ZNF248: variants seen among roughly 807,000 people sequenced by gnomAD.
ZNF248 encodes KRAB protein domain.
Under a neutral mutation model 44.3 loss-of-function variants are expected in ZNF248, and 20 were observed. The observed-to-expected ratio is 0.45, with a 90% confidence interval of 0.32 to 0.66. The LOEUF (loss-of-function observed/expected upper bound fraction) is 0.66, where lower values mean the gene tolerates loss of function less well. ZNF248 is among the 30% of genes least tolerant of loss of function. The pLI is 0.04. For synonymous variants in ZNF248, 224 were observed against 229.0 expected (o/e 0.98, Z 0.20); for missense variants, 654 against 677.0 (o/e 0.97, Z 0.38).
chr10:37,815,198 C>G (rs2052241592), intron 6 of ZNF248, among the ~76,000 whole-genome samples: 1 of 152,064 alleles, frequency 6.6e-6, no homozygotes, highest in African/African-American at 2.4e-5. Context: ...TCCCAAATAG[C>G]TGGGATTACA....
At chr10:37,824,673 A>ATTTTTTTTTTTTTTTTTTTTTTTTTT (rs755411927), downstream of ZNF248, among the ~76,000 whole-genome samples, 8 of 79,724 alleles carry the variant, frequency 1.0e-4, no homozygotes, top group Admixed American at 4.4e-4. Context: ...ATTATTTTAA[A>ATTTTTTTTTTTTTTTTTTTTTTTTTT]TTTTTTTTTT....
At chr10:37,768,845 A>C in the ZNF248 span, among the ~76,000 whole-genome samples, 4 of 152,330 alleles carry the variant, frequency 2.6e-5, no homozygotes, top group Non-Finnish European at 5.9e-5. Context: ...TGGTTTTTTG[A>C]AAGGATCAAC....
At chr10:37,763,810 T>C in the ZNF248 span, among the ~76,000 whole-genome samples, 1 of 152,242 alleles carries the variant, frequency 6.6e-6, no homozygotes, top group Non-Finnish European at 1.5e-5. Flanking sequence ...CTGTCTTTAC[T>C]GCAATCTCTG....
chr10:37,815,991 G>GAA (rs71007668), intron 6 of ZNF248, among the ~76,000 whole-genome samples: 5,230 of 130,026 alleles, frequency 0.04, 197 homozygotes, highest in East Asian at 0.13. Flanking sequence ...TCCGATAATG[G>GAA]AAAAAAAAAA....
chr10:37,793,838 TTCACA>T (rs1383230975), intron 6 of ZNF248, among the ~76,000 whole-genome samples: 1 of 152,206 alleles, frequency 6.6e-6, no homozygotes, highest in Non-Finnish European at 1.5e-5. Flanking sequence ...TATAAAATAT[TTCACA>T]TCACATCTGA....
At chr10:37,779,194 A>G (rs1381657865) in intron 6 of ZNF248, among the ~76,000 whole-genome samples, 5 of 152,146 alleles carry the variant, frequency 3.3e-5, no homozygotes, top group Non-Finnish European at 7.4e-5. Flanking sequence ...TACCAAAGCC[A>G]GGCAGAGACA....
intron 3 of ZNF248, among the ~76,000 whole-genome samples, chr10:37,849,562 C>T (rs2059881538): frequency 1.3e-5 from 2 of 151,916 alleles, no homozygotes; most frequent in African/African-American, 4.8e-5. Context: ...TGGAGGGCGC[C>T]TGTAGTCCCA....
Position 37,829,369 on chromosome 10 carries a change from T to C in ZNF248, c.*2246A>G, listed in dbSNP as rs1438401494. ...GTAATCAGTCTGCCATTAAAATATT[T>C]TTAGTTGGAGAATTCTGTTTTCCAC... On this transcript the variant is annotated 3_prime_UTR_variant, in exon 6 of 6. Transcript: ENST00000395867. 3.0e-6 allele frequency: 3 copies of C among 985,450 alleles called. No individual in the cohort carries two copies. In the East Asian group the frequency reaches 3.4e-4, roughly 112 times the overall value. 61.0% of individuals were successfully genotyped at this position (985,450 alleles called of 1,614,324 possible). A position where few individuals can be genotyped will look rare whatever the true frequency, so the allele number is the denominator to read the frequency against.
At chr10:37,854,045 A>T (rs772368830) in intron 3 of ZNF248, among the ~76,000 whole-genome samples, 3 of 152,242 alleles carry the variant, frequency 2.0e-5, no homozygotes, top group Non-Finnish European at 4.4e-5. Context: ...CGGGGGGTGG[A>T]GTAAATGGAA....
At chr10:37,841,270 T>C (rs2058293105) in intron 3 of ZNF248, among the ~76,000 whole-genome samples, 1 of 152,226 alleles carries the variant, frequency 6.6e-6, no homozygotes, top group Non-Finnish European at 1.5e-5. Flanking sequence ...TGTTTTTCAG[T>C]AATAGCCTGC....
intron 6 of ZNF248, among the ~76,000 whole-genome samples, chr10:37,809,705 C>T (rs1021985163): frequency 1.3e-5 from 2 of 152,152 alleles, no homozygotes; most frequent in African/African-American, 4.8e-5. Context: ...TGCTGCATCC[C>T]ATAAGTTTCT....
downstream of ZNF248, among the ~76,000 whole-genome samples, chr10:37,826,088 T>A (rs1055994306): frequency 6.6e-6 from 1 of 152,140 alleles, no homozygotes; most frequent in Non-Finnish European, 1.5e-5. Context: ...GTCGTAAAAA[T>A]GATCAGGTAA....
In ZNF248 at chr10:37,786,858, T is replaced by C. The variant is rs1164048763; in HGVS notation, c.331-10283A>G. 2.0e-5 allele frequency among the ~76,000 whole-genome samples: 3 copies of C among 152,362 alleles called. No homozygotes were observed. The East Asian group carries it at 5.8e-4, about 29-fold the overall frequency. ...ATATTGTGATAATGCACAAAAGTTT[T>C]AATTTTGTTGATGTCCAAATTATTC... On this transcript the variant is annotated intron_variant, in intron 6 of 6. Coordinates refer to the ZNF248 transcript ENST00000615949.
intron 6 of ZNF248, among the ~76,000 whole-genome samples, chr10:37,815,009 T>G (rs546271099): frequency 2.0e-5 from 3 of 152,326 alleles, no homozygotes; most frequent in African/African-American, 4.8e-5. Context: ...CTCCGAACAA[T>G]GCATATATTC....
chr10:37,762,531 ATC>A, the ZNF248 span, among the ~76,000 whole-genome samples: 1 of 152,296 alleles, frequency 6.6e-6, no homozygotes, highest in East Asian at 1.9e-4. Flanking sequence ...CTGGCTGAGA[ATC>A]TGTTTTTCAA....
intron 6 of ZNF248, among the ~76,000 whole-genome samples, chr10:37,789,907 CA>C (rs1192233613): frequency 4.6e-5 from 7 of 152,160 alleles, no homozygotes; most frequent in African/African-American, 1.7e-4. Flanking sequence ...ACACTACTTC[CA>C]CTCTAGTAGG....
chr10:37,766,294 A>G, the ZNF248 span, among the ~76,000 whole-genome samples: 2 of 152,232 alleles, frequency 1.3e-5, no homozygotes, highest in African/African-American at 4.8e-5. Flanking sequence ...AGATCTGAGA[A>G]CGGGCAGACT....
the ZNF248 span, among the ~76,000 whole-genome samples, chr10:37,766,594 G>T: frequency 6.6e-6 from 1 of 152,156 alleles, no homozygotes; most frequent in Non-Finnish European, 1.5e-5. Flanking sequence ...CTAACAAACA[G>T]AAAGGACATC....
chr10:37,856,378 C>T (rs1395718887), intron 2 of ZNF248, 41 bp from the exon 3 acceptor site: 4 of 1,608,222 alleles, frequency 2.5e-6, no homozygotes, highest in Non-Finnish European at 3.4e-6. Context: ...GAGCCTTCGC[C>T]GGCCTTGCAG....
Sources: gnomAD v4.1 joint callset for allele counts (sites outside exome capture counted in the v4.1 genomes callset) on GRCh38, gnomAD v4.1.1 for gene constraint, MANE v1.5 for transcripts, NCBI Gene and HGNC (gene_info 2026-07-23, HGNC 2026-07-21) for gene names.